FBXO21: variants seen among roughly 807,000 people sequenced by gnomAD.
FBXO21 encodes F-box protein 21, also known as F-box only protein 21.
Under a neutral mutation model 76.6 loss-of-function variants are expected in FBXO21, and 32 were observed. The observed-to-expected ratio is 0.42, with a 90% CI of 0.32 to 0.56. The LOEUF is 0.56. Ranked by LOEUF, FBXO21 falls within the 20% of genes least tolerant of loss-of-function variation. The pLI is 0.16. For missense variants in FBXO21, 586 were observed against 797.3 expected, an observed-to-expected ratio of 0.73 and a Z score of 3.19; for synonymous variants, 328 against 311.5, an observed-to-expected ratio of 1.05 and a Z score of -0.56.
rs945360545 is a variant in FBXO21 at position 117,190,319 on chromosome 12, C to G, written c.138G>C (p.Ser46=). 32 of 1,530,436 alleles carry G rather than the reference C, an allele frequency of 2.1e-5. No individual in the cohort carries two copies. Among genetic ancestry groups the G allele is most frequent in the African/African-American group, 2.9e-5 (2 of 69,776 alleles). The allele number at this position is 1,530,436 out of a possible 1,614,324, so 94.8% of individuals were successfully genotyped here. ...EVLEYILCCG[S]LTAADIGRVS... is the part of the protein sequence containing the mutation. The stretch of plus-strand genomic sequence containing the variant: ...CACGGCCGATGTCGGCGGCCGTCAG[C>G]GAGCCGCAGCACAGGATGTACTCCA... The change falls in exon 1 of 12, where the codon TCG becomes TCC. Residue 46 remains serine, a synonymous_variant. Coordinates refer to ENST00000622495, the MANE Select transcript of FBXO21 (RefSeq NM_015002.3).
intron 3 of FBXO21, among the ~76,000 whole-genome samples, chr12:117,181,684 T>A (rs1044433316): frequency 1.3e-5 from 2 of 152,006 alleles, no homozygotes; most frequent in African/African-American, 4.8e-5. Context: ...GAGTCTCACT[T>A]TGCCACCCAG....
Position 117,146,298 on chromosome 12 carries a change from G to A in FBXO21, c.1676-21C>T, listed in dbSNP as rs200373050. On this transcript the variant is annotated intron_variant, in intron 11 of 11. Coordinates refer to ENST00000622495, the MANE Select transcript of FBXO21 (RefSeq NM_015002.3). ...GTTTTCTGTTGGTAAAGAGGCACAC[G>A]GGCATTCTCATTACAATGTCCATTG... is the stretch of plus-strand genomic sequence containing the variant. 67 of 1,581,082 alleles carry A rather than the reference G, an allele frequency of 4.2e-5. No individual in the cohort carries two copies. The Admixed American group carries it at 4.6e-4, about 11-fold the overall frequency.
intron 11 of FBXO21, among the ~76,000 whole-genome samples, chr12:117,148,298 G>A (rs1424304362): frequency 6.6e-6 from 1 of 152,226 alleles, no homozygotes; most frequent in Non-Finnish European, 1.5e-5. Flanking sequence ...GACACGTCAT[G>A]TGCAGAGATA....
chr12:117,152,325 G>C (rs555338891), intron 11 of FBXO21, among the ~76,000 whole-genome samples: 1 of 152,090 alleles, frequency 6.6e-6, no homozygotes. Flanking sequence ...AAATAGCCAG[G>C]TGTGGTGGTG....
chr12:117,188,438 G>C (rs960062810), intron 2 of FBXO21, among the ~76,000 whole-genome samples: 1 of 152,058 alleles, frequency 6.6e-6, no homozygotes. Flanking sequence ...CCGGCTACTC[G>C]GGAGGCTGAG....
chr12:117,187,046 G>A (rs1289448690), intron 2 of FBXO21, among the ~76,000 whole-genome samples: 4 of 151,866 alleles, frequency 2.6e-5, no homozygotes, highest in Non-Finnish European at 5.9e-5. Context: ...AACCCGGGAG[G>A]CGGAGGTTAC....
intron 11 of FBXO21, among the ~76,000 whole-genome samples, chr12:117,147,572 TGGG>T (rs1955789352): frequency 8.2e-6 from 1 of 121,636 alleles, no homozygotes; most frequent in Non-Finnish European, 1.6e-5. Flanking sequence ...CACTCCAGCC[TGGG>T]CAGCAGAGCA....
At chr12:117,184,906 A>G (rs143268822) in intron 3 of FBXO21, among the ~76,000 whole-genome samples, 10 of 152,304 alleles carry the variant, frequency 6.6e-5, no homozygotes, top group Non-Finnish European at 1.5e-4. Context: ...CTATTATGTG[A>G]TCCCAATTTT....
intron 1 of FBXO21, 152 bp downstream of exon 1, chr12:117,190,066 G>C (rs1257067250): frequency 8.7e-6 from 2 of 230,232 alleles, no homozygotes; most frequent in Non-Finnish European, 1.4e-5. Flanking sequence ...CAGGGTCCGG[G>C]GCCTGGAGGC....
intron 9 of FBXO21, among the ~76,000 whole-genome samples, chr12:117,159,401 A>G (rs1955952453): frequency 1.3e-5 from 2 of 151,882 alleles, no homozygotes; most frequent in African/African-American, 4.8e-5. Context: ...GGTTGTGGAG[A>G]GGTGGAGTGA....
intron 3 of FBXO21, among the ~76,000 whole-genome samples, chr12:117,184,605 T>G (rs1198954119): frequency 6.6e-6 from 1 of 152,038 alleles, no homozygotes; most frequent in East Asian, 1.9e-4. Flanking sequence ...AATACAAAAT[T>G]AGCTGGGTGT....
At chr12:117,181,008 A>T (rs1029791905) in intron 3 of FBXO21, among the ~76,000 whole-genome samples, 2 of 152,226 alleles carry the variant, frequency 1.3e-5, no homozygotes, top group African/African-American at 4.8e-5. Flanking sequence ...ATTTATACTG[A>T]CATGTCTTAC....
intron 5 of FBXO21, 88 bp downstream of exon 5, chr12:117,174,563 A>T: frequency 6.8e-7 from 1 of 1,463,226 alleles, no homozygotes; most frequent in Non-Finnish European, 9.4e-7. Flanking sequence ...TCATGACATA[A>T]TGGCAGCACA....
rs991851273 is a variant in FBXO21, at chr12:117,186,667, A to G, written c.376-96T>C. The G allele has an allele frequency of 5.5e-6, 4 of 733,110 alleles. No individual in the cohort carries two copies. The African/African-American group carries it at 7.0e-5, about 13-fold the overall frequency. 45.4% of individuals were successfully genotyped at this position (733,110 alleles called of 1,614,324 possible). The stretch of plus-strand genomic sequence containing the variant: ...AGCTGAAATAAAGATGTCCACTACT[A>G]AAGACAGTGCTAACAGTTATTCTAC... On this transcript the variant is annotated intron_variant, in intron 2 of 11. Coordinates refer to ENST00000622495, the MANE Select transcript of FBXO21 (RefSeq NM_015002.3).
At chr12:117,187,577 A>G (rs1469353582) in intron 2 of FBXO21, among the ~76,000 whole-genome samples, 1 of 152,172 alleles carries the variant, frequency 6.6e-6, no homozygotes, top group African/African-American at 2.4e-5. Flanking sequence ...GCAATCACCC[A>G]CCCACAGATT....
intron 3 of FBXO21, among the ~76,000 whole-genome samples, chr12:117,180,473 A>G (rs766628228): frequency 4.1e-4 from 63 of 152,312 alleles, no homozygotes; most frequent in African/African-American, 1.5e-3. Context: ...TCTATCTTAT[A>G]TCTATGTCTT....
At chr12:117,147,135 A>C (rs555340088) in intron 11 of FBXO21, among the ~76,000 whole-genome samples, 13 of 151,964 alleles carry the variant, frequency 8.6e-5, no homozygotes, top group African/African-American at 2.9e-4. Context: ...TCAGCTACTC[A>C]GGAGGCTGAG....
At position 117,190,443 on chromosome 12, in the gene FBXO21, G is replaced by A. The variant is rs775759816; in HGVS notation, c.14C>T (p.Ala5Val). 2 of 1,373,944 alleles carry A rather than the reference G, an allele frequency of 1.5e-6. No individual in the cohort carries two copies. Among genetic ancestry groups the A allele is most frequent in the Non-Finnish European group, 1.9e-6 (2 of 1,028,532 alleles). 85.1% of individuals were successfully genotyped at this position (1,373,944 alleles called of 1,614,324 possible). The change falls in exon 1 of 12, where the codon GCA becomes GTA. Residue 5 changes from alanine (A) to valine (V), a missense_variant. This residue lies in a region of FBXO21 where 152 missense variants were observed against 127.2 expected (regional missense o/e 1.19). Coordinates refer to ENST00000622495, the MANE Select transcript of FBXO21 (RefSeq NM_015002.3). MAAAAVDSAMEVVPA... is the reference protein window; with the variant it reads MAAAVVDSAMEVVPA... ...CACCACCTCCATCGCGCTGTCGACT[G>A]CTGCCGCCGCCATCTTGTCCGCGTA...
intron 1 of FBXO21, among the ~76,000 whole-genome samples, chr12:117,189,927 G>A (rs1956327298): frequency 6.6e-6 from 1 of 152,160 alleles, no homozygotes; most frequent in Non-Finnish European, 1.5e-5. Flanking sequence ...CCCGAAGTCG[G>A]GCACAAAAGA....
Sources: allele counts gnomAD v4.1 joint callset (sites outside exome capture counted in the v4.1 genomes callset), GRCh38; gene constraint gnomAD v4.1.1; regional missense constraint gnomAD v4.1.1; transcripts MANE v1.5; gene names NCBI Gene and HGNC (gene_info 2026-07-23, HGNC 2026-07-21).